Variants in TARS1 observed in about 807,000 individuals in gnomAD.
TARS1 encodes threonine--tRNA ligase 1, cytoplasmic.
Under a neutral mutation model 97.7 loss-of-function variants are expected in TARS1, and 57 were observed. That is an observed-to-expected ratio of 0.58 (90% CI 0.47 to 0.73). The LOEUF is 0.73. Among genes scored for constraint, TARS1 ranks in the 30% least tolerant of loss-of-function variants. The pLI is 0.00. For synonymous variants in TARS1, 312 were observed against 293.7 expected (o/e 1.06, Z -0.64); for missense variants, 806 against 888.3 (o/e 0.91, Z 1.18).
chr5:33,443,256 G>T (rs1280170818), intron 1 of TARS1, among the ~76,000 whole-genome samples: 1 of 149,436 alleles, frequency 6.7e-6, no homozygotes, highest in Non-Finnish European at 1.5e-5. Flanking sequence ...CAGTGTTCTT[G>T]TTTGTAAAAT....
intron 3 of TARS1, among the ~76,000 whole-genome samples, chr5:33,450,477 T>C (rs1487100707): frequency 6.6e-6 from 1 of 152,178 alleles, no homozygotes; most frequent in Non-Finnish European, 1.5e-5. Context: ...GAATGGAGTG[T>C]TTCCATTCAT....
rs576439710 is a variant in TARS1 at position 33,443,794 on chromosome 5, C to T, written c.58-1530C>T. Among the ~76,000 whole-genome samples the T allele has an allele frequency of 2.1e-4, 32 of 152,222 alleles. 1 individual carries two copies. In the South Asian group the frequency reaches 6.6e-3, roughly 32 times the overall value. Reference sequence around the variant, plus strand: ...ACAGGCATGAGCCACCGCGCCCAGCCGCAATTTTTCTTTTTACCCAGTATA... The same window carrying T: ...ACAGGCATGAGCCACCGCGCCCAGCTGCAATTTTTCTTTTTACCCAGTATA... On this transcript the variant is annotated intron_variant, in intron 1 of 18. Coordinates refer to ENST00000265112, the MANE Select transcript of TARS1 (RefSeq NM_152295.5).
chr5:33,466,930 T>G lies in TARS1; in HGVS notation c.1968T>G (p.Cys656Trp). Residue 656 changes from cysteine (C) to tryptophan (W), a missense_variant, in exon 18 of 19, where the codon TGT becomes TGG. Cys to Trp is a radical substitution (Grantham distance 215). Coordinates refer to ENST00000265112, the MANE Select transcript of TARS1 (RefSeq NM_152295.5). Reference sequence around the variant, plus strand: ...CAGACATTGATCTGGATCCAGGCTGTACATTGAATAAAAAGATTCGAAATG... The same window carrying G: ...CAGACATTGATCTGGATCCAGGCTGGACATTGAATAAAAAGATTCGAAATG... ...FMADIDLDPG[C>W]TLNKKIRNAQ... 1 of 1,606,122 alleles carries G rather than the reference T, an allele frequency of 6.2e-7. No homozygotes were observed. The highest frequency in any genetic ancestry group is 8.5e-7 in the Non-Finnish European group (1 of 1,176,496).
chr5:33,443,037 T>C (rs1464143200), intron 1 of TARS1, among the ~76,000 whole-genome samples: 1 of 152,170 alleles, frequency 6.6e-6, no homozygotes, highest in Non-Finnish European at 1.5e-5. Context: ...CACAATCCGG[T>C]TCTGTTTCCC....
chr5:33,444,325 T>C (rs1482445334), intron 1 of TARS1, among the ~76,000 whole-genome samples: 1 of 152,336 alleles, frequency 6.6e-6, no homozygotes, highest in African/African-American at 2.4e-5. Flanking sequence ...TACTCTAAAA[T>C]TGATGGTAGT....
intron 1 of TARS1, among the ~76,000 whole-genome samples, chr5:33,442,791 A>G (rs1365500642): frequency 6.6e-6 from 1 of 152,078 alleles, no homozygotes; most frequent in Non-Finnish European, 1.5e-5. Flanking sequence ...GGCGTGATCC[A>G]CCGCGCCCGG....
chr5:33,458,552 T>C lies in TARS1; in HGVS notation c.985-14T>C. On this transcript the variant is annotated splice_polypyrimidine_tract_variant and intron_variant, in intron 9 of 18. Coordinates refer to ENST00000265112, the MANE Select transcript of TARS1 (RefSeq NM_152295.5). ...TGACGTACATAAACATTCTTTTGCT[T>C]TTCTTTTACCCAGGACCAAGAACTA... 2 of 1,606,440 alleles carry C rather than the reference T, an allele frequency of 1.2e-6. No homozygotes were observed. The highest frequency in any genetic ancestry group is 1.7e-6 in the Non-Finnish European group (2 of 1,177,302).
chr5:33,448,002 T>C (rs774260305), intron 2 of TARS1, among the ~76,000 whole-genome samples: 1 of 152,202 alleles, frequency 6.6e-6, no homozygotes, highest in Non-Finnish European at 1.5e-5. Flanking sequence ...CTATAGAAAG[T>C]AGTAGTGTGT....
intron 7 of TARS1, 21 bp from the exon 8 acceptor site, chr5:33,456,128 T>G: frequency 6.2e-7 from 1 of 1,613,846 alleles, no homozygotes; most frequent in Non-Finnish European, 8.5e-7. Context: ...TTTGTTAAAA[T>G]TCCTTTCATT....
At chr5:33,442,916 T>G (rs1561065803) in intron 1 of TARS1, among the ~76,000 whole-genome samples, 1 of 152,132 alleles carries the variant, frequency 6.6e-6, no homozygotes, top group Non-Finnish European at 1.5e-5. Context: ...ATCCCCGTTT[T>G]TTTCCTTCCT....
rs373592373 is a variant in TARS1, at chr5:33,458,601, T to G, written c.1020T>G (p.Pro340=). The G allele has an allele frequency of 4.0e-5, 65 of 1,613,536 alleles. No individual in the cohort carries two copies. Among genetic ancestry groups the G allele is most frequent in the Non-Finnish European group, 5.2e-5 (61 of 1,179,748 alleles). The change falls in exon 10 of 19, where the codon CCT becomes CCG. Residue 340 remains proline, a synonymous_variant. Coordinates refer to ENST00000265112, the MANE Select transcript of TARS1 (RefSeq NM_152295.5). ...TATATTTCTTTCATGAACTCAGCCC[T>G]GGAAGTTGCTTTTTTCTGCCAAAAG... ...QELYFFHELS[P]GSCFFLPKGA...
In TARS1 at chr5:33,466,889, G is replaced by T; in HGVS notation, c.1927G>T (p.Asp643Tyr). 2 of 1,596,594 alleles carry T rather than the reference G, an allele frequency of 1.3e-6. No individual in the cohort carries two copies. Among genetic ancestry groups the T allele is most frequent in the Non-Finnish European group, 1.7e-6 (2 of 1,172,520 alleles). Residue 643 changes from aspartate (D) to tyrosine (Y), a missense_variant, in exon 18 of 19, where the codon GAT (aspartate) becomes TAT (tyrosine). This residue lies in a region of TARS1 where 446 missense variants were observed against 511.0 expected (regional missense o/e 0.87). Transcript: ENST00000265112. ...YAQKVRQQFH[D>Y]AKFMADIDLD... ...ACAATAGGTACGACAACAATTCCAC[G>T]ATGCCAAATTCATGGCAGACATTGA...
At chr5:33,467,426 C>T in intron 18 of TARS1, 134 bp from the exon 19 acceptor site, 1 of 937,662 alleles carries the variant, frequency 1.1e-6, no homozygotes, top group Non-Finnish European at 1.5e-6. Flanking sequence ...AACACATGGT[C>T]ACTTGTACCT....
Position 33,445,389 on chromosome 5 carries a change from T to G in TARS1, c.123T>G (p.Asp41Glu), listed in dbSNP as rs770631613. The change falls in exon 2 of 19, where the codon GAT becomes GAG. Residue 41 changes from aspartate to glutamate, a missense_variant. Coordinates refer to ENST00000265112, the MANE Select transcript of TARS1 (RefSeq NM_152295.5). ...GKKKNKEGSG[D>E]GGRAELNPWP... ...AGAAGAACAAAGAAGGATCTGGAGA[T>G]GGAGGTCGAGCTGAGGTAAAAGTTA... The G allele has an allele frequency of 1.9e-6, 3 of 1,613,062 alleles. No individual in the cohort carries two copies. The Admixed American group carries it at 5.0e-5, about 27-fold the overall frequency.
intron 16 of TARS1, among the ~76,000 whole-genome samples, chr5:33,463,287 A>G (rs1579592833): frequency 2.0e-5 from 3 of 152,252 alleles, no homozygotes; most frequent in Admixed American, 2.0e-4. Flanking sequence ...ACCAAGTGCC[A>G]TAACCAGTTA....
chr5:33,467,553 G>GT lies in TARS1; in HGVS notation c.2024-3dup. On this transcript the variant is annotated splice_polypyrimidine_tract_variant and splice_region_variant and intron_variant, in intron 18 of 18. Coordinates refer to ENST00000265112, the MANE Select transcript of TARS1 (RefSeq NM_152295.5). ...AAGTCTGACAAAGCTTTGTGTGTTT[G>GT]TTTTAGTTGTTGGTGAAAAAGAGAA... is the stretch of plus-strand genomic sequence containing the variant. The GT allele has an allele frequency of 1.2e-6, 2 of 1,609,034 alleles. No individual in the cohort carries two copies. Among genetic ancestry groups the GT allele is most frequent in the Non-Finnish European group, 1.7e-6 (2 of 1,178,326 alleles).
At position 33,454,940 on chromosome 5, in the gene TARS1, T is replaced by A; in HGVS notation, c.454-5T>A. ...AGACCATGCCATTTTTCTTTAAATTTTCAGGTGTATTGGCACTCTAGTGCT... is the reference window on the plus strand; with the variant it reads ...AGACCATGCCATTTTTCTTTAAATTATCAGGTGTATTGGCACTCTAGTGCT... On this transcript the variant is annotated splice_polypyrimidine_tract_variant and splice_region_variant and intron_variant, in intron 4 of 18. Transcript: ENST00000265112. 1 of 1,612,396 alleles carries A rather than the reference T, an allele frequency of 6.2e-7. No homozygotes were observed. Among genetic ancestry groups the A allele is most frequent in the Non-Finnish European group, 8.5e-7 (1 of 1,179,300 alleles).
intron 16 of TARS1, 31 bp downstream of exon 16, chr5:33,462,234 T>G (rs766251171): frequency 1.3e-6 from 2 of 1,567,416 alleles, no homozygotes; most frequent in Admixed American, 3.4e-5. Flanking sequence ...TTTTTTCTGA[T>G]TAGTATAAAT....
chr5:33,455,085 A>T lies in TARS1; in HGVS notation c.575+19A>T, dbSNP rs1447752101. 25 of 1,612,600 alleles carry T rather than the reference A, an allele frequency of 1.6e-5. No individual in the cohort carries two copies. Among genetic ancestry groups the T allele is most frequent in the Non-Finnish European group, 2.0e-5 (24 of 1,179,276 alleles). ...AAGAAGGGTAAGCCATCAACTAGAT[A>T]AAGAAAACTGAAGTCAATGACTATG... is the stretch of plus-strand genomic sequence containing the variant. On this transcript the variant is annotated intron_variant, in intron 5 of 18. Transcript: ENST00000265112.
Sources: allele counts gnomAD v4.1 joint callset (sites outside exome capture counted in the v4.1 genomes callset), GRCh38; gene constraint gnomAD v4.1.1; regional missense constraint gnomAD v4.1.1; transcripts MANE v1.5; gene names NCBI Gene and HGNC (gene_info 2026-07-23, HGNC 2026-07-21).